The following ECT2 variants were observed in gnomAD, a reference collection of about 807,000 sequenced individuals.
The protein encoded by ECT2 is epithelial cell transforming 2.
A neutral mutation model predicts 116.9 loss-of-function variants in ECT2; 61 were observed. The ratio of observed to expected loss-of-function variants is 0.52; its 90% CI spans 0.42 to 0.65. The LOEUF is 0.65. ECT2 is among the 30% of genes least tolerant of loss of function. The pLI, the probability that ECT2 is intolerant of heterozygous loss-of-function variation, is 0.00. For synonymous variants in ECT2, 358 were observed against 346.4 expected (o/e 1.03, Z -0.37); for missense variants, 937 against 1,078.7 (o/e 0.87, Z 1.84).
intron 2 of ECT2, 93 bp downstream of exon 2, chr3:172,754,753 T>C: frequency 1.1e-6 from 1 of 932,560 alleles, no homozygotes; most frequent in South Asian, 1.9e-5. Context: ...ATACCAACTG[T>C]AATGCTAGAG....
intron 17 of ECT2, among the ~76,000 whole-genome samples, chr3:172,785,221 G>C (rs61257543): frequency 0.061 from 9,340 of 152,022 alleles, 966 homozygotes; most frequent in African/African-American, 0.21. Flanking sequence ...TTTGACCTTA[G>C]ATTGTTCAGA....
chr3:172,820,069 T>C (rs1164371316), intron 24 of ECT2, 79 bp from the exon 25 acceptor site: 11 of 935,422 alleles, frequency 1.2e-5, no homozygotes, highest in South Asian at 2.1e-5. Context: ...GTAAAAATAA[T>C]AGGCATGATA....
chr3:172,765,838 AC>A (rs1719269607), intron 12 of ECT2, among the ~76,000 whole-genome samples: 1 of 152,118 alleles, frequency 6.6e-6, no homozygotes, highest in African/African-American at 2.4e-5. Flanking sequence ...CTTCAGTCAT[AC>A]CATCTTTGTT....
intron 1 of ECT2, among the ~76,000 whole-genome samples, chr3:172,753,130 C>G (rs1049028762): frequency 7.4e-4 from 112 of 152,150 alleles, no homozygotes; most frequent in African/African-American, 2.6e-3. Context: ...GGGTCTTGCT[C>G]TGTCACCTAG....
At chr3:172,817,124 A>G (rs1729867584) in intron 24 of ECT2, among the ~76,000 whole-genome samples, 1 of 152,106 alleles carries the variant, frequency 6.6e-6, no homozygotes, top group South Asian at 2.1e-4. Flanking sequence ...TTTCATAGCC[A>G]CAAGTGGCTA....
intron 11 of ECT2, 91 bp downstream of exon 11, chr3:172,763,063 G>A (rs1718653897): frequency 7.5e-7 from 1 of 1,337,122 alleles, no homozygotes. Flanking sequence ...AGCATGTTTA[G>A]GAATTTCAGA....
chr3:172,811,439 T>C (rs1054121763), intron 22 of ECT2, among the ~76,000 whole-genome samples: 1 of 152,180 alleles, frequency 6.6e-6, no homozygotes, highest in Admixed American at 6.5e-5. Flanking sequence ...TGTTCACCCT[T>C]TCAGTCATTC....
rs565002639 is a variant in ECT2 at position 172,783,201 on chromosome 3, G to T, written c.1618-598G>T. 1.1e-3 allele frequency among the ~76,000 whole-genome samples: 174 copies of T among 152,218 alleles called. 2 individuals are homozygous for T. Among genetic ancestry groups the T allele is most frequent in the Admixed American group, 9.9e-3 (152 of 15,284 alleles). On this transcript the variant is annotated intron_variant, in intron 15 of 24. Transcript: ENST00000392692. ...CTTTGAATCTCTTTAAATAGGATTTGTAAGTTTCAGTGCCTTGAGTACTGG... is the reference window on the plus strand; with the variant it reads ...CTTTGAATCTCTTTAAATAGGATTTTTAAGTTTCAGTGCCTTGAGTACTGG...
intron 18 of ECT2, among the ~76,000 whole-genome samples, chr3:172,793,725 A>G (rs890595581): frequency 2.0e-5 from 3 of 152,110 alleles, no homozygotes; most frequent in Non-Finnish European, 4.4e-5. Flanking sequence ...CAGCCTTCCA[A>G]AGTGCTGGGA....
At chr3:172,783,452 C>A (rs567517393) in intron 15 of ECT2, among the ~76,000 whole-genome samples, 24 of 151,940 alleles carry the variant, frequency 1.6e-4, no homozygotes, top group Non-Finnish European at 3.4e-4. Context: ...TGAATAAATA[C>A]CATGCTTTTG....
intron 1 of ECT2, among the ~76,000 whole-genome samples, chr3:172,753,767 GTA>G (rs1417724597): frequency 6.6e-6 from 1 of 152,206 alleles, no homozygotes; most frequent in African/African-American, 2.4e-5. Context: ...TGCATAGATT[GTA>G]TAGGGACTGG....
At chr3:172,758,497 A>T (rs1717541100) in intron 5 of ECT2, among the ~76,000 whole-genome samples, 1 of 151,984 alleles carries the variant, frequency 6.6e-6, no homozygotes, top group African/African-American at 2.4e-5. Context: ...ACACACACAC[A>T]CACAACCGTT....
At chr3:172,785,905 A>T (rs573078660) in intron 17 of ECT2, among the ~76,000 whole-genome samples, 1 of 152,306 alleles carries the variant, frequency 6.6e-6, no homozygotes, top group East Asian at 1.9e-4. Flanking sequence ...GAAATTCGTA[A>T]ATGTTACAAA....
intron 8 of ECT2, among the ~76,000 whole-genome samples, 169 bp from the exon 9 acceptor site, chr3:172,762,247 T>C (rs180864476): frequency 4.8e-4 from 73 of 152,296 alleles, no homozygotes; most frequent in African/African-American, 1.7e-3. Flanking sequence ...ACAGGACACA[T>C]CATTTTTTTA....
chr3:172,777,893 T>G (rs530125980), intron 14 of ECT2, among the ~76,000 whole-genome samples: 1 of 152,318 alleles, frequency 6.6e-6, no homozygotes, highest in South Asian at 2.1e-4. Flanking sequence ...AGTGAGACCC[T>G]GTCTCAAAAC....
At position 172,756,914 on chromosome 3, in the gene ECT2, AT is replaced by A. The variant is rs1488353262; in HGVS notation, c.304-66del. ...GATATTGAATTGATTGTTAAGCCTTATTTAGAGAGACAGATGGATTATTTGA... is the reference window on the plus strand; with the variant it reads ...GATATTGAATTGATTGTTAAGCCTTATTAGAGAGACAGATGGATTATTTGA... On this transcript the variant is annotated intron_variant, in intron 4 of 24. Coordinates refer to ENST00000392692, the MANE Select transcript of ECT2 (RefSeq NM_001258315.2). The A allele has an allele frequency of 3.0e-5, 40 of 1,341,904 alleles. No homozygotes were observed. The African/African-American group carries it at 5.7e-4, about 19-fold the overall frequency. 83.1% of individuals were successfully genotyped at this position (1,341,904 alleles called of 1,614,324 possible). A position where few individuals can be genotyped will look rare whatever the true frequency, so the allele number is the denominator to read the frequency against.
intron 14 of ECT2, among the ~76,000 whole-genome samples, chr3:172,777,863 C>A (rs1391731025): frequency 6.6e-6 from 1 of 152,224 alleles, no homozygotes; most frequent in Non-Finnish European, 1.5e-5. Context: ...CATGCCACTA[C>A]ACTCCAGCCT....
intron 18 of ECT2, among the ~76,000 whole-genome samples, chr3:172,799,408 C>A (rs1726303319): frequency 6.6e-6 from 1 of 152,166 alleles, no homozygotes; most frequent in South Asian, 2.1e-4. Flanking sequence ...TTTCCCAAGA[C>A]AATGAGGCAA....
chr3:172,797,969 T>C (rs1191461639), intron 18 of ECT2, among the ~76,000 whole-genome samples: 1 of 152,204 alleles, frequency 6.6e-6, no homozygotes, highest in African/African-American at 2.4e-5. Context: ...TTTGATCAAA[T>C]GTCTTGAGAC....
Sources: gnomAD v4.1 joint callset for allele counts (sites outside exome capture counted in the v4.1 genomes callset) on GRCh38, gnomAD v4.1.1 for gene constraint, MANE v1.5 for transcripts, NCBI Gene and HGNC (gene_info 2026-07-23, HGNC 2026-07-21) for gene names.